LCE3D: variants seen among roughly 807,000 people sequenced by gnomAD.
LCE3D encodes the protein late cornified envelope protein 3D.
For synonymous variants in LCE3D, 46 were observed against 47.3 expected (o/e 0.97, Z 0.11); for missense variants, 124 against 121.1 (o/e 1.02, Z -0.11).
chr1:152,579,701 C>T lies in LCE3D; in HGVS notation c.236G>A (p.Gly79Asp). The part of the protein sequence containing the change: ...NSCDRGSGQQ[G>D]GGSGCGHGSG... ...GCCATGGCCGCAGCCAGAGCCCCCG[C>T]CTTGCTGACCACTGCCCCTGTCACA... Residue 79 changes from glycine to aspartate, a missense_variant, in exon 2 of 2, where the codon GGC (glycine) becomes GAC (aspartate). Transcript: ENST00000368787. 6.2e-7 allele frequency: 1 copy of T among 1,613,882 alleles called. No individual in the cohort carries two copies. Among genetic ancestry groups the T allele is most frequent in the East Asian group, 2.2e-5 (1 of 44,870 alleles).
In LCE3D at chr1:152,579,889, A is replaced by G. The variant is rs201382027; in HGVS notation, c.48T>C (p.Cys16=). ...NQQQCQPPPK[C]PSPKCPPKSP... is the part of the protein sequence containing the mutation. Reference sequence around the variant, plus strand: ...TCTTTGGGGGACACTTGGGTGAGGGACACTTGGGTGGGGGTTGGCACTGCT... The same window carrying G: ...TCTTTGGGGGACACTTGGGTGAGGGGCACTTGGGTGGGGGTTGGCACTGCT... The change falls in exon 2 of 2, where the codon TGT becomes TGC. Residue 16 remains cysteine, a synonymous_variant. Coordinates refer to ENST00000368787, the MANE Select transcript of LCE3D (RefSeq NM_032563.2). 5.2e-5 allele frequency: 84 copies of G among 1,613,898 alleles called. No homozygotes were observed. The East Asian group carries it at 5.3e-4, about 10-fold the overall frequency.
At position 152,579,953 on chromosome 1, in the gene LCE3D, T is replaced by A. The variant is rs767194476; in HGVS notation, c.-17A>T. The stretch of plus-strand genomic sequence containing the variant: ...GCAGGACATCTTGGCAGGAGTTGAG[T>A]TGTCCTGGACAAAACAAAGCCATTT... On this transcript the variant is annotated 5_prime_UTR_variant, in exon 2 of 2. Transcript: ENST00000368787. 7.4e-6 allele frequency: 12 copies of A among 1,613,596 alleles called. No homozygotes were observed. Among genetic ancestry groups the A allele is most frequent in the East Asian group, 2.2e-5 (1 of 44,880 alleles).
Position 152,579,640 on chromosome 1 carries a change from T to G in LCE3D, c.*18A>C, listed in dbSNP as rs1423805176. On this transcript the variant is annotated 3_prime_UTR_variant, in exon 2 of 2. Coordinates refer to ENST00000368787, the MANE Select transcript of LCE3D (RefSeq NM_032563.2). The stretch of plus-strand genomic sequence containing the variant: ...CTTGTTTCCTCCAAAATCGCTTGTC[T>G]CAGCATCAGGATCCAGGTCAGCAGC... 1 of 1,613,560 alleles carries G rather than the reference T, an allele frequency of 6.2e-7. No individual in the cohort carries two copies.
chr1:152,579,528 A>G lies in LCE3D; in HGVS notation c.*130T>C. 1 of 1,447,806 alleles carries G rather than the reference A, an allele frequency of 6.9e-7. No individual in the cohort carries two copies. The allele number at this position is 1,447,806 out of a possible 1,614,324, so 89.7% of individuals were successfully genotyped here. A position where few individuals can be genotyped will look rare whatever the true frequency, so the allele number is the denominator to read the frequency against. ...GGGGAGAGCTCAGACCTTCCACAGG[A>G]AAACCCCTAGCTCAGCCTGTGAAAG... On this transcript the variant is annotated 3_prime_UTR_variant, in exon 2 of 2. Coordinates refer to ENST00000368787, the MANE Select transcript of LCE3D (RefSeq NM_032563.2).
intron 1 of LCE3D, 37 bp from the exon 2 acceptor site, chr1:152,579,994 A>C (rs974543863): frequency 6.2e-7 from 1 of 1,612,610 alleles, no homozygotes; most frequent in African/African-American, 1.3e-5. Context: ...TCCAAAATCT[A>C]CAGTCCAATG....
intron 1 of LCE3D, 83 bp from the exon 2 acceptor site, chr1:152,580,040 C>T: frequency 6.4e-7 from 1 of 1,553,840 alleles, no homozygotes; most frequent in Non-Finnish European, 8.8e-7. Context: ...GCAAGAGCTG[C>T]AGGAAGGTGA....
At position 152,579,574 on chromosome 1, in the gene LCE3D, A is replaced by G; in HGVS notation, c.*84T>C. On this transcript the variant is annotated 3_prime_UTR_variant, in exon 2 of 2. Transcript: ENST00000368787. ...GAAAGCCAGAAGAGGGTATCTGGGA[A>G]CTCATGCATCAAGATGGGGTTTTCC... The G allele has an allele frequency of 6.3e-7, 1 of 1,587,574 alleles. No homozygotes were observed. The highest frequency in any genetic ancestry group is 8.6e-7 in the Non-Finnish European group (1 of 1,165,634).
At position 152,579,564 on chromosome 1, in the gene LCE3D, G is replaced by A; in HGVS notation, c.*94C>T. On this transcript the variant is annotated 3_prime_UTR_variant, in exon 2 of 2. Transcript: ENST00000368787. ...CTCAGCCTGTGAAAGCCAGAAGAGGGTATCTGGGAACTCATGCATCAAGAT... is the reference window on the plus strand; with the variant it reads ...CTCAGCCTGTGAAAGCCAGAAGAGGATATCTGGGAACTCATGCATCAAGAT... The A allele has an allele frequency of 6.4e-7, 1 of 1,569,980 alleles. No individual in the cohort carries two copies.
chr1:152,580,412 CCTT>C (rs1405366904), intron 1 of LCE3D, 54 bp downstream of exon 1: 5 of 181,148 alleles, frequency 2.8e-5, no homozygotes, highest in African/African-American at 1.2e-4. Context: ...CCTGCTATGA[CCTT>C]AGTTTTCTGT....
chr1:152,579,931 G>A lies in LCE3D; in HGVS notation c.6C>T (p.Ser2=), dbSNP rs770808682. 3.1e-6 allele frequency: 5 copies of A among 1,613,936 alleles called. No individual in the cohort carries two copies. Among genetic ancestry groups the A allele is most frequent in the Non-Finnish European group, 4.2e-6 (5 of 1,180,048 alleles). M[S]CQQNQQQCQP... is the part of the protein sequence containing the mutation. ...GGCACTGCTGCTGGTTCTGCTGGCA[G>A]GACATCTTGGCAGGAGTTGAGTTGT... The change falls in exon 2 of 2, where the codon TCC becomes TCT. Residue 2 remains serine (S), a synonymous_variant. Transcript: ENST00000368787.
At position 152,579,439 on chromosome 1, in the gene LCE3D, C is replaced by T. The variant is rs1278708246; in HGVS notation, c.*219G>A. ...GAGGTCAGGCACAAGCACTGCCAAT[C>T]CTTCACAGGTACAGGGGTAAGGGAA... On this transcript the variant is annotated 3_prime_UTR_variant, in exon 2 of 2. Coordinates refer to ENST00000368787, the MANE Select transcript of LCE3D (RefSeq NM_032563.2). The T allele has an allele frequency of 1.0e-5, 7 of 683,216 alleles. No homozygotes were observed. The allele number at this position is 683,216 out of a possible 1,614,324, so 42.3% of individuals were successfully genotyped here.
rs1660187098 is a variant in LCE3D, at chr1:152,579,947, G to T, written c.-11C>A. ...CTGCTGGCAGGACATCTTGGCAGGAGTTGAGTTGTCCTGGACAAAACAAAG... is the reference window on the plus strand; with the variant it reads ...CTGCTGGCAGGACATCTTGGCAGGATTTGAGTTGTCCTGGACAAAACAAAG... On this transcript the variant is annotated 5_prime_UTR_variant, in exon 2 of 2. Coordinates refer to ENST00000368787, the MANE Select transcript of LCE3D (RefSeq NM_032563.2). The T allele has an allele frequency of 3.1e-6, 5 of 1,613,872 alleles. No homozygotes were observed. Among genetic ancestry groups the T allele is most frequent in the South Asian group, 1.1e-5 (1 of 91,084 alleles).
Position 152,579,822 on chromosome 1 carries a change from G to C in LCE3D, c.115C>G (p.Pro39Ala). Reference sequence around the variant, plus strand: ...CTAGGGCCACAGCCCCCAGAGCTTGGGGCACAGCCAGAGGAAGCTGGAGGC... The same window carrying C: ...CTAGGGCCACAGCCCCCAGAGCTTGCGGCACAGCCAGAGGAAGCTGGAGGC... ...CLPPASSGCA[P>A]SSGGCGPSSE... The change falls in exon 2 of 2, where the codon CCA (proline) becomes GCA (alanine). Residue 39 changes from proline (P) to alanine (A), a missense_variant. By Grantham distance (27) the Pro-to-Ala change is conservative (BLOSUM62 -1). Coordinates refer to ENST00000368787, the MANE Select transcript of LCE3D (RefSeq NM_032563.2). 4 of 1,613,878 alleles carry C rather than the reference G, an allele frequency of 2.5e-6. No homozygotes were observed. Among genetic ancestry groups the C allele is most frequent in the South Asian group, 1.1e-5 (1 of 91,078 alleles).
rs1452734497 is a variant in LCE3D, at chr1:152,579,950, G to A, written c.-14C>T. On this transcript the variant is annotated 5_prime_UTR_variant, in exon 2 of 2. Transcript: ENST00000368787. ...CTGGCAGGACATCTTGGCAGGAGTT[G>A]AGTTGTCCTGGACAAAACAAAGCCA... 6.2e-7 allele frequency: 1 copy of A among 1,613,872 alleles called. No individual in the cohort carries two copies.
Position 152,579,580 on chromosome 1 carries a change from G to A in LCE3D, c.*78C>T. ...CAGAAGAGGGTATCTGGGAACTCAT[G>A]CATCAAGATGGGGTTTTCCTGGGCC... On this transcript the variant is annotated 3_prime_UTR_variant, in exon 2 of 2. Coordinates refer to ENST00000368787, the MANE Select transcript of LCE3D (RefSeq NM_032563.2). 1 of 1,595,858 alleles carries A rather than the reference G, an allele frequency of 6.3e-7. No homozygotes were observed. The highest frequency in any genetic ancestry group is 8.5e-7 in the Non-Finnish European group (1 of 1,171,202).
chr1:152,580,076 A>G (rs1660190758), intron 1 of LCE3D, 119 bp from the exon 2 acceptor site: 1 of 1,242,152 alleles, frequency 8.1e-7, no homozygotes, highest in Non-Finnish European at 1.1e-6. Context: ...AGTTGGTGGG[A>G]CATGCCAGAT....
At position 152,579,643 on chromosome 1, in the gene LCE3D, G is replaced by A; in HGVS notation, c.*15C>T. 6.2e-7 allele frequency: 1 copy of A among 1,613,610 alleles called. No homozygotes were observed. On this transcript the variant is annotated 3_prime_UTR_variant, in exon 2 of 2. Transcript: ENST00000368787. ...GTTTCCTCCAAAATCGCTTGTCTCA[G>A]CATCAGGATCCAGGTCAGCAGCAGC...
chr1:152,580,032 A>C, intron 1 of LCE3D, 75 bp from the exon 2 acceptor site: 1 of 1,571,778 alleles, frequency 6.4e-7, no homozygotes, highest in East Asian at 2.2e-5. Flanking sequence ...CTCCTGAGGC[A>C]AGAGCTGCAG....
chr1:152,579,863 C>T lies in LCE3D; in HGVS notation c.74G>A (p.Ser25Asn), dbSNP rs769685054. 222 of 1,613,750 alleles carry T rather than the reference C, an allele frequency of 1.4e-4. 3 individuals are homozygous for T. The highest frequency in any genetic ancestry group is 1.6e-4 in the Middle Eastern group (1 of 6,084). Residue 25 changes from serine to asparagine, a missense_variant, in exon 2 of 2, where the codon AGC becomes AAC. Transcript: ENST00000368787. The stretch of plus-strand genomic sequence containing the variant: ...AGCTGGAGGCAGACACTGTACTGGG[C>T]TCTTTGGGGGACACTTGGGTGAGGG... ...KCPSPKCPPK[S>N]PVQCLPPASS...
Sources: gnomAD v4.1 joint callset for allele counts on GRCh38, gnomAD v4.1.1 for gene constraint, MANE v1.5 for transcripts, NCBI Gene and HGNC (gene_info 2026-07-23, HGNC 2026-07-21) for gene names.